ITPR2: variants seen among roughly 807,000 people sequenced by gnomAD.
The protein encoded by ITPR2 is inositol 1,4,5-trisphosphate-gated calcium channel ITPR2.
ITPR2 carries 207 observed loss-of-function variants against 317.1 expected under a neutral mutation model. The observed-to-expected ratio is 0.65, with a 90% CI of 0.58 to 0.73. The LOEUF is 0.73. Among genes scored for constraint, ITPR2 ranks in the 30% least tolerant of loss-of-function variants. The pLI, the probability that ITPR2 is intolerant of heterozygous loss-of-function variation, is 0.00. For synonymous variants in ITPR2, 1,156 were observed against 1,149.1 expected (o/e 1.01, Z -0.12); for missense variants, 2,613 against 3,284.0 (o/e 0.80, Z 4.99).
At chr12:26,821,901 A>G (rs2137294326) in intron 1 of ITPR2, among the ~76,000 whole-genome samples, 1 of 152,272 alleles carries the variant, frequency 6.6e-6, no homozygotes, top group Middle Eastern at 3.4e-3. Flanking sequence ...ATACACTTTG[A>G]TTTGCCATTA....
chr12:26,400,003 G>T, intron 53 of ITPR2, 125 bp downstream of exon 53: 2 of 960,684 alleles, frequency 2.1e-6, no homozygotes, highest in Non-Finnish European at 3.0e-6. Context: ...AACAGCCATG[G>T]TTATACTTTT....
At chr12:26,385,348 C>G (rs1055419295) in intron 55 of ITPR2, among the ~76,000 whole-genome samples, 1 of 152,160 alleles carries the variant, frequency 6.6e-6, no homozygotes, top group African/African-American at 2.4e-5. Context: ...CCGCCTTTCT[C>G]CCAATGACCA....
intron 1 of ITPR2, among the ~76,000 whole-genome samples, chr12:26,808,366 A>C (rs1950674111): frequency 1.3e-5 from 2 of 152,220 alleles, no homozygotes; most frequent in Admixed American, 6.5e-5. Flanking sequence ...CTAGTAAAGA[A>C]CTAATAAAGT....
chr12:26,774,305 G>A lies in ITPR2; in HGVS notation c.163+15852C>T, dbSNP rs373492163. 1.4e-3 allele frequency among the ~76,000 whole-genome samples: 214 copies of A among 152,190 alleles called. 8 individuals carry two copies. The South Asian group carries it at 0.041, about 29-fold the overall frequency. ...TCGGTAGTGGTAAGACACTGAAAAAGCATCTGGAGACAGAACTGAAACTAT... is the reference window on the plus strand; with the variant it reads ...TCGGTAGTGGTAAGACACTGAAAAAACATCTGGAGACAGAACTGAAACTAT... On this transcript the variant is annotated intron_variant, in intron 2 of 56. Coordinates refer to ENST00000381340, the MANE Select transcript of ITPR2 (RefSeq NM_002223.4).
intron 55 of ITPR2, among the ~76,000 whole-genome samples, chr12:26,359,477 T>C (rs1215123698): frequency 6.6e-6 from 1 of 152,178 alleles, no homozygotes; most frequent in African/African-American, 2.4e-5. Flanking sequence ...ATTATGCATG[T>C]GATCAGATTA....
chr12:26,372,345 G>A (rs1246065966), intron 55 of ITPR2, among the ~76,000 whole-genome samples: 1 of 152,208 alleles, frequency 6.6e-6, no homozygotes, highest in Non-Finnish European at 1.5e-5. Context: ...GCCCTGAAAT[G>A]CTATTCTAAC....
intron 5 of ITPR2, among the ~76,000 whole-genome samples, chr12:26,717,647 C>T (rs1486826755): frequency 6.6e-6 from 1 of 152,110 alleles, no homozygotes; most frequent in South Asian, 2.1e-4. Flanking sequence ...ATGTAGTATG[C>T]TATCATTCGT....
chr12:26,600,428 T>C (rs770300826), intron 28 of ITPR2, among the ~76,000 whole-genome samples: 3 of 152,094 alleles, frequency 2.0e-5, no homozygotes, highest in Non-Finnish European at 4.4e-5. Flanking sequence ...TCTCTGTACA[T>C]AGCCACCTTT....
rs143477113 is a variant in ITPR2 at position 26,636,569 on chromosome 12, T to G, written c.2741-4510A>C. Among the ~76,000 whole-genome samples the G allele has an allele frequency of 2.9e-3, 438 of 152,364 alleles. 1 individual carries two copies. Among genetic ancestry groups the G allele is most frequent in the Middle Eastern group, 0.02 (6 of 294 alleles). On this transcript the variant is annotated intron_variant, in intron 21 of 56. Transcript: ENST00000381340. ...ATAAAAAGTTGGGTCTCATTAAAGG[T>G]ACTTCATCTTTCATCAAGTTGAGTT...
chr12:26,435,050 ATTC>A (rs149752564), intron 48 of ITPR2, among the ~76,000 whole-genome samples: 10,535 of 152,224 alleles, frequency 0.069, 394 homozygotes, highest in South Asian at 0.096. Context: ...ATTGCTTAAT[ATTC>A]TTCTTTTATT....
intron 37 of ITPR2, among the ~76,000 whole-genome samples, chr12:26,502,927 C>T (rs1201887672): frequency 6.6e-6 from 1 of 152,130 alleles, no homozygotes; most frequent in Non-Finnish European, 1.5e-5. Flanking sequence ...AAGACAGGCA[C>T]AACTTTGGAA....
intron 49 of ITPR2, among the ~76,000 whole-genome samples, chr12:26,427,309 A>T (rs1028324167): frequency 3.3e-5 from 5 of 152,060 alleles, no homozygotes; most frequent in Admixed American, 1.3e-4. Flanking sequence ...TTAAAATTGT[A>T]TTTCTCGGGT....
intron 2 of ITPR2, among the ~76,000 whole-genome samples, chr12:26,756,869 T>C (rs1343032050): frequency 6.6e-6 from 1 of 152,214 alleles, no homozygotes; most frequent in African/African-American, 2.4e-5. Flanking sequence ...TTGGGCTGCA[T>C]ACCCAGATGG....
At chr12:26,668,759 C>T (rs1947682292) in intron 13 of ITPR2, among the ~76,000 whole-genome samples, 1 of 151,364 alleles carries the variant, frequency 6.6e-6, no homozygotes, top group Non-Finnish European at 1.5e-5. Flanking sequence ...ATTAAAAAGA[C>T]AACGTATTTT....
At chr12:26,399,099 A>AT in intron 53 of ITPR2, 58 bp from the exon 54 acceptor site, 2 of 1,211,408 alleles carry the variant, frequency 1.7e-6, no homozygotes, top group Non-Finnish European at 1.1e-6. Context: ...CACACTGTCT[A>AT]GCATAGAGAG....
At chr12:26,363,293 T>TG (rs2136583205) in intron 55 of ITPR2, among the ~76,000 whole-genome samples, 1 of 152,326 alleles carries the variant, frequency 6.6e-6, no homozygotes, top group Non-Finnish European at 1.5e-5. Context: ...CACCCCCAGA[T>TG]GGGACTGTCT....
intron 9 of ITPR2, among the ~76,000 whole-genome samples, chr12:26,696,143 C>A (rs1017046913): frequency 1.3e-5 from 2 of 152,244 alleles, no homozygotes; most frequent in East Asian, 1.9e-4. Context: ...CTGAAACAAA[C>A]AAACACATGT....
At chr12:26,812,296 G>T (rs989671068) in intron 1 of ITPR2, among the ~76,000 whole-genome samples, 20 of 151,864 alleles carry the variant, frequency 1.3e-4, no homozygotes, top group African/African-American at 4.8e-4. Context: ...AACCTAATAC[G>T]GCCGGATGCG....
At chr12:26,597,876 ACATAC>A (rs1591945400) in intron 30 of ITPR2, among the ~76,000 whole-genome samples, 2 of 152,208 alleles carry the variant, frequency 1.3e-5, no homozygotes, top group East Asian at 3.8e-4. Context: ...GTAACTAAGG[ACATAC>A]AATTTTTTTC....
Sources: allele counts gnomAD v4.1 joint callset (sites outside exome capture counted in the v4.1 genomes callset), GRCh38; gene constraint gnomAD v4.1.1; transcripts MANE v1.5; gene names NCBI Gene and HGNC (gene_info 2026-07-23, HGNC 2026-07-21).